The following ABCA6 variants were observed in gnomAD, a reference collection of about 807,000 sequenced individuals.
ABCA6 encodes the protein ATP binding cassette subfamily A member 6.
A neutral mutation model predicts 191.2 loss-of-function variants in ABCA6; 164 were observed. The observed-to-expected ratio is 0.86, with a 90% CI of 0.76 to 0.98. The LOEUF is 0.98. Among genes scored for constraint, ABCA6 ranks in the 50% least tolerant of loss-of-function variants. ABCA6 has a pLI of 0.00. For missense variants in ABCA6, 1,958 were observed against 1,894.1 expected, an observed-to-expected ratio of 1.03 and a Z score of -0.63; for synonymous variants, 636 against 647.7, an observed-to-expected ratio of 0.98 and a Z score of 0.27.
At chr17:69,126,204 G>C (rs2073750826) in intron 8 of ABCA6, among the ~76,000 whole-genome samples, 1 of 152,042 alleles carries the variant, frequency 6.6e-6, no homozygotes, top group Non-Finnish European at 1.5e-5. Flanking sequence ...TGGATAGAAC[G>C]CCAATGTACA....
rs754945962 is a variant in ABCA6 at position 69,117,884 on chromosome 17, A to G, written c.1495+14T>C. 6.5e-7 allele frequency: 1 copy of G among 1,532,118 alleles called. No homozygotes were observed. Among genetic ancestry groups the G allele is most frequent in the Admixed American group, 1.8e-5 (1 of 55,428 alleles). 94.9% of individuals were successfully genotyped at this position (1,532,118 alleles called of 1,614,324 possible). On this transcript the variant is annotated intron_variant, in intron 11 of 38. Coordinates refer to ENST00000284425, the MANE Select transcript of ABCA6 (RefSeq NM_080284.3). The stretch of plus-strand genomic sequence containing the variant: ...AGAAGTGAAAGAATGAAATTTTTCA[A>G]TGTTTTTCTTTACCTTTCAATGCTT...
intron 25 of ABCA6, among the ~76,000 whole-genome samples, chr17:69,094,100 A>G (rs1185505887): frequency 6.6e-6 from 1 of 152,198 alleles, no homozygotes; most frequent in Non-Finnish European, 1.5e-5. Flanking sequence ...TCTCAGTGTC[A>G]TGTCTGATTT....
At chr17:69,114,713 A>C in intron 13 of ABCA6, 49 bp downstream of exon 13, 1 of 1,506,658 alleles carries the variant, frequency 6.6e-7, no homozygotes, top group Non-Finnish European at 9.0e-7. Context: ...GTCATGATTT[A>C]ATTTGGTAAG....
chr17:69,098,909 T>C (rs556903947), intron 22 of ABCA6, among the ~76,000 whole-genome samples: 9 of 152,324 alleles, frequency 5.9e-5, no homozygotes, highest in Non-Finnish European at 1.2e-4. Context: ...TACTCAACTG[T>C]ACACTTGCAA....
At chr17:69,133,408 T>TC (rs1177971265) in intron 6 of ABCA6, among the ~76,000 whole-genome samples, 1 of 152,114 alleles carries the variant, frequency 6.6e-6, no homozygotes, top group Admixed American at 6.6e-5. Context: ...TGAATGACAG[T>TC]CCCCCTGTAT....
At chr17:69,107,279 G>T (rs1268879721) in intron 18 of ABCA6, among the ~76,000 whole-genome samples, 1 of 152,062 alleles carries the variant, frequency 6.6e-6, no homozygotes, top group Non-Finnish European at 1.5e-5. Flanking sequence ...TAATGACAAT[G>T]ATTATTATCA....
Position 69,096,358 on chromosome 17 carries a change from G to T in ABCA6, c.3295-5C>A. On this transcript the variant is annotated splice_polypyrimidine_tract_variant and splice_region_variant and intron_variant, in intron 24 of 38. Coordinates refer to ENST00000284425, the MANE Select transcript of ABCA6 (RefSeq NM_080284.3). Reference sequence around the variant, plus strand: ...ATAACCAGGAGTAACTATAACCTGAGCATAAAAGAAATAATAACATAGTCA... The same window carrying T: ...ATAACCAGGAGTAACTATAACCTGATCATAAAAGAAATAATAACATAGTCA... The T allele has an allele frequency of 7.3e-7, 1 of 1,378,772 alleles. No individual in the cohort carries two copies. The allele number at this position is 1,378,772 out of a possible 1,614,324, so 85.4% of individuals were successfully genotyped here. A position where few individuals can be genotyped will look rare whatever the true frequency, so the allele number is the denominator to read the frequency against.
chr17:69,089,615 T>C, intron 26 of ABCA6, 73 bp from the exon 27 acceptor site: 1 of 1,243,814 alleles, frequency 8.0e-7, no homozygotes, highest in South Asian at 1.3e-5. Context: ...TTAAATAATA[T>C]AAAATTCACA....
intron 22 of ABCA6, among the ~76,000 whole-genome samples, chr17:69,100,526 TAC>T (rs1400540965): frequency 6.6e-6 from 1 of 152,102 alleles, no homozygotes; most frequent in African/African-American, 2.4e-5. Context: ...CTCTTTCTCA[TAC>T]ACTTCCACAA....
chr17:69,126,186 A>C (rs567380233), intron 8 of ABCA6, among the ~76,000 whole-genome samples: 2 of 152,318 alleles, frequency 1.3e-5, no homozygotes, highest in South Asian at 4.1e-4. Flanking sequence ...AGAATATAGC[A>C]AGAATGCTGG....
Position 69,089,644 on chromosome 17 carries a change from T to C in ABCA6, c.3529-102A>G, listed in dbSNP as rs574310280. 4.1e-6 allele frequency: 4 copies of C among 984,058 alleles called. No homozygotes were observed. The East Asian group carries it at 1.1e-4, about 26-fold the overall frequency. 61.0% of individuals were successfully genotyped at this position (984,058 alleles called of 1,614,324 possible). On this transcript the variant is annotated intron_variant, in intron 26 of 38. Coordinates refer to ENST00000284425, the MANE Select transcript of ABCA6 (RefSeq NM_080284.3). ...ATTCACATATTGAATATTTTCCTCA[T>C]AGATCTCAATTTCTTTGTGTGCACT... is the stretch of plus-strand genomic sequence containing the variant.
Position 69,140,724 on chromosome 17 carries a change from G to GA in ABCA6, c.-22dup, listed in dbSNP as rs1190233537. 6.7e-7 allele frequency: 1 copy of GA among 1,495,342 alleles called. No homozygotes were observed. The highest frequency in any genetic ancestry group is 1.3e-5 in the South Asian group (1 of 74,088). The allele number at this position is 1,495,342 out of a possible 1,614,324, so 92.6% of individuals were successfully genotyped here. ...TTCATTTAGCCTATTCGCTGAAGGA[G>GA]AAAGTAATCATGGTGGAACACAACC... On this transcript the variant is annotated 5_prime_UTR_variant, in exon 2 of 39. An upstream open reading frame in the 5' UTR loses its in-frame stop. Transcript: ENST00000284425.
At chr17:69,130,138 A>G (rs1355607861) in intron 6 of ABCA6, among the ~76,000 whole-genome samples, 2 of 151,998 alleles carry the variant, frequency 1.3e-5, no homozygotes, top group Non-Finnish European at 2.9e-5. Flanking sequence ...CAACATGGTG[A>G]AACCCGTCTC....
chr17:69,085,370 A>G (rs2080576070), intron 31 of ABCA6, among the ~76,000 whole-genome samples, 188 bp from the exon 32 acceptor site: 1 of 152,108 alleles, frequency 6.6e-6, no homozygotes, highest in Admixed American at 6.6e-5. Flanking sequence ...TTACATGCAG[A>G]GAAGAAAAGA....
At chr17:69,092,738 C>G (rs1179481150) in intron 25 of ABCA6, among the ~76,000 whole-genome samples, 1 of 152,130 alleles carries the variant, frequency 6.6e-6, no homozygotes, top group African/African-American at 2.4e-5. Flanking sequence ...CCAAATGGAT[C>G]CCAGATCACC....
At chr17:69,117,187 A>G (rs558231666) in intron 11 of ABCA6, among the ~76,000 whole-genome samples, 3 of 152,218 alleles carry the variant, frequency 2.0e-5, no homozygotes, top group Non-Finnish European at 4.4e-5. Flanking sequence ...TGCTGTATTT[A>G]TTAGAAAATA....
rs2072912515 is a variant in ABCA6 at position 69,091,143 on chromosome 17, C to T, written c.3528G>A (p.Val1176=). ...TLLGFKTFLE[V]RDQEHYREFP... Reference sequence around the variant, plus strand: ...TGACACAGTTGGTAACATTTCTTACCACTTCCAAAAAAGTTTTAAATCCAA... The same window carrying T: ...TGACACAGTTGGTAACATTTCTTACTACTTCCAAAAAAGTTTTAAATCCAA... Residue 1176 remains valine, a splice_region_variant and synonymous_variant, in exon 26 of 39, where the codon GTG becomes GTA. Transcript: ENST00000284425. 5.0e-6 allele frequency: 8 copies of T among 1,604,626 alleles called. No homozygotes were observed. The highest frequency in any genetic ancestry group is 6.8e-6 in the Non-Finnish European group (8 of 1,176,950).
intron 9 of ABCA6, 139 bp downstream of exon 9, chr17:69,124,749 T>A (rs2073716979): frequency 2.2e-6 from 1 of 453,912 alleles, no homozygotes; most frequent in African/African-American, 2.0e-5. Context: ...CCATTAGAAC[T>A]ATGAAGTAGA....
intron 24 of ABCA6, 56 bp from the exon 25 acceptor site, chr17:69,096,409 A>G: frequency 9.5e-7 from 1 of 1,047,818 alleles, no homozygotes; most frequent in Non-Finnish European, 1.3e-6. Context: ...CTGAGGGAAA[A>G]ATTAGATTAC....
Sources: allele counts gnomAD v4.1 joint callset (sites outside exome capture counted in the v4.1 genomes callset), GRCh38; gene constraint gnomAD v4.1.1; transcripts MANE v1.5; gene names NCBI Gene and HGNC (gene_info 2026-07-23, HGNC 2026-07-21).